MYO16: variants seen among roughly 807,000 people sequenced by gnomAD.
MYO16 encodes myosin XVI.
In MYO16, 94 loss-of-function variants were observed where a neutral mutation model predicts 205.3. The ratio of observed to expected loss-of-function variants is 0.46; its 90% CI spans 0.39 to 0.54. The LOEUF is 0.54. MYO16 is among the 20% of genes least tolerant of loss of function. MYO16 has a pLI of 0.00. For missense variants in MYO16, 2,315 were observed against 2,387.5 expected, an observed-to-expected ratio of 0.97 and a Z score of 0.63; for synonymous variants, 988 against 954.0, an observed-to-expected ratio of 1.04 and a Z score of -0.66.
At chr13:108,805,104 G>C (rs1170103354) in intron 6 of MYO16, among the ~76,000 whole-genome samples, 1 of 152,138 alleles carries the variant, frequency 6.6e-6, no homozygotes, top group African/African-American at 2.4e-5. Context: ...ATCATTTACT[G>C]ATTATTCAGA....
intron 9 of MYO16, among the ~76,000 whole-genome samples, chr13:108,834,210 TA>T (rs1173416632): frequency 3.3e-5 from 5 of 152,178 alleles, no homozygotes; most frequent in African/African-American, 9.6e-5. Flanking sequence ...TGGGGTGAGC[TA>T]GGGGGAAAGT....
intron 27 of MYO16, among the ~76,000 whole-genome samples, chr13:109,077,463 T>C (rs1333396752): frequency 6.6e-6 from 1 of 152,226 alleles, no homozygotes; most frequent in African/African-American, 2.4e-5. Flanking sequence ...AGGTTTACTA[T>C]AATTGACGAA....
chr13:109,120,301 T>A, intron 28 of MYO16, 69 bp from the exon 29 acceptor site: 7 of 1,094,264 alleles, frequency 6.4e-6, no homozygotes, highest in Non-Finnish European at 9.4e-6. Flanking sequence ...ATATTTTGTC[T>A]GATTATTTTT....
chr13:108,844,955 G>T (rs1028605823), intron 10 of MYO16, among the ~76,000 whole-genome samples: 1 of 152,124 alleles, frequency 6.6e-6, no homozygotes, highest in African/African-American at 2.4e-5. Flanking sequence ...GTGTGTGTGT[G>T]TGCATATGTG....
chr13:108,892,978 T>C (rs569509621), intron 14 of MYO16, among the ~76,000 whole-genome samples: 22 of 152,340 alleles, frequency 1.4e-4, no homozygotes, highest in African/African-American at 4.8e-4. Context: ...AAACTAATTC[T>C]AGTTAACTTG....
chr13:108,788,268 AC>A (rs147240899), intron 5 of MYO16, among the ~76,000 whole-genome samples: 1 of 152,292 alleles, frequency 6.6e-6, no homozygotes, highest in African/African-American at 2.4e-5. Context: ...CCACCGACTT[AC>A]ACTGTAAACT....
intron 2 of MYO16, among the ~76,000 whole-genome samples, chr13:108,711,283 C>T (rs1384255118): frequency 1.3e-5 from 2 of 152,184 alleles, no homozygotes; most frequent in African/African-American, 4.8e-5. Context: ...AGTTTGCCAC[C>T]TTTGAGAATG....
At chr13:109,173,874 C>T (rs1270114389) in intron 33 of MYO16, among the ~76,000 whole-genome samples, 3 of 109,462 alleles carry the variant, frequency 2.7e-5, no homozygotes, top group African/African-American at 7.6e-5. Flanking sequence ...GGTGACAGAG[C>T]GAGACTCCAT....
At chr13:108,535,884 AC>A in the MYO16 span, among the ~76,000 whole-genome samples, 6 of 152,066 alleles carry the variant, frequency 3.9e-5, no homozygotes, top group Non-Finnish European at 8.8e-5. Context: ...TTGTCTTAAT[AC>A]CCTTTCTTCT....
intron 20 of MYO16, among the ~76,000 whole-genome samples, chr13:108,983,436 G>A (rs1884518158): frequency 6.6e-6 from 1 of 152,198 alleles, no homozygotes; most frequent in Non-Finnish European, 1.5e-5. Context: ...GTCCAAAAAA[G>A]AGTTGCACAT....
rs1297586608 is a variant in MYO16, at chr13:109,101,103, C to A, written c.3438+216C>A. Among the ~76,000 whole-genome samples the A allele has an allele frequency of 1.6e-4, 24 of 151,230 alleles. No homozygotes were observed. The Admixed American group carries it at 1.6e-3, about 10-fold the overall frequency. On this transcript the variant is annotated intron_variant, in intron 28 of 34. Coordinates refer to ENST00000457511, the MANE Select transcript of MYO16 (RefSeq NM_001198950.3). Reference sequence around the variant, plus strand: ...CCAACATGAGAGGAAATCTAACAGGCTCCCTTTACAACATGACAGAAGCTT... The same window carrying A: ...CCAACATGAGAGGAAATCTAACAGGATCCCTTTACAACATGACAGAAGCTT...
At chr13:108,588,922 G>A in the MYO16 span, among the ~76,000 whole-genome samples, 2 of 151,774 alleles carry the variant, frequency 1.3e-5, no homozygotes, top group African/African-American at 2.4e-5. Context: ...GTATAGTTTA[G>A]CCTGTTTTTA....
intron 27 of MYO16, among the ~76,000 whole-genome samples, chr13:109,060,022 T>C (rs1441320981): frequency 6.6e-6 from 1 of 152,128 alleles, no homozygotes; most frequent in African/African-American, 2.4e-5. Context: ...ATAGGAATGC[T>C]CTTACACTGT....
At chr13:108,950,982 CT>C (rs2139339312) in intron 16 of MYO16, among the ~76,000 whole-genome samples, 1 of 152,166 alleles carries the variant, frequency 6.6e-6, no homozygotes, top group African/African-American at 2.4e-5. Context: ...GTATTGAGAA[CT>C]TTATAAACTT....
At chr13:108,683,776 G>A (rs1280874859) in intron 2 of MYO16, among the ~76,000 whole-genome samples, 1 of 152,204 alleles carries the variant, frequency 6.6e-6, no homozygotes, top group Non-Finnish European at 1.5e-5. Flanking sequence ...CTGAGAATCT[G>A]GGGCCCTGGT....
chr13:108,955,697 A>G (rs1566430808), intron 16 of MYO16, among the ~76,000 whole-genome samples: 2 of 152,102 alleles, frequency 1.3e-5, no homozygotes, highest in Non-Finnish European at 1.5e-5. Flanking sequence ...CTAAAAATAC[A>G]AAAATTAGCC....
At chr13:108,564,494 G>A in the MYO16 span, among the ~76,000 whole-genome samples, 1 of 152,042 alleles carries the variant, frequency 6.6e-6, no homozygotes, top group African/African-American at 2.4e-5. Flanking sequence ...AAAATCAGAT[G>A]ATTAGATTTG....
chr13:108,858,873 C>A (rs1878323188), intron 11 of MYO16, among the ~76,000 whole-genome samples: 1 of 152,156 alleles, frequency 6.6e-6, no homozygotes, highest in Non-Finnish European at 1.5e-5. Context: ...GCACCCTACC[C>A]TGGGTGCCTC....
At chr13:108,688,240 A>G (rs990476579) in intron 2 of MYO16, among the ~76,000 whole-genome samples, 3 of 152,120 alleles carry the variant, frequency 2.0e-5, no homozygotes, top group Non-Finnish European at 4.4e-5. Flanking sequence ...AGAGAAACAG[A>G]ATGTAGCTCC....
Sources: allele counts gnomAD v4.1 joint callset (sites outside exome capture counted in the v4.1 genomes callset), GRCh38; gene constraint gnomAD v4.1.1; transcripts MANE v1.5; gene names NCBI Gene and HGNC (gene_info 2026-07-23, HGNC 2026-07-21).